Variants in KCNQ5 observed in about 807,000 individuals in gnomAD.
KCNQ5 encodes potassium voltage-gated channel subfamily Q member 5, also known as potassium voltage-gated channel subfamily KQT member 5.
In KCNQ5, 30 loss-of-function variants were observed where a neutral mutation model predicts 98.2. The ratio of observed to expected loss-of-function variants is 0.31; its 90% CI spans 0.23 to 0.41. The LOEUF is 0.41. Among genes scored for constraint, KCNQ5 ranks in the 10% least tolerant of loss-of-function variants. The pLI, the probability that KCNQ5 is intolerant of heterozygous loss-of-function variation, is 1.00. For synonymous variants in KCNQ5, 458 were observed against 449.4 expected (o/e 1.02, Z -0.24); for missense variants, 835 against 1,182.5 (o/e 0.71, Z 4.31).
rs528879823 is a variant in KCNQ5 at position 73,102,301 on chromosome 6, C to T, written c.919-2956C>T. On this transcript the variant is annotated intron_variant, in intron 5 of 13. Coordinates refer to ENST00000370398, the MANE Select transcript of KCNQ5 (RefSeq NM_019842.4). ...AATACCTCAATCTATGAAACTACTACAAGAAAACATGAGGGAAATTCTCCA... is the reference window on the plus strand; with the variant it reads ...AATACCTCAATCTATGAAACTACTATAAGAAAACATGAGGGAAATTCTCCA... Among the ~76,000 whole-genome samples the T allele has an allele frequency of 2.9e-4, 44 of 152,114 alleles. 2 individuals carry two copies. In the South Asian group the frequency reaches 8.3e-3, roughly 29 times the overall value.
intron 1 of KCNQ5, among the ~76,000 whole-genome samples, chr6:72,890,627 C>T (rs1455037734): frequency 6.6e-6 from 1 of 152,158 alleles, no homozygotes; most frequent in Non-Finnish European, 1.5e-5. Context: ...TAGTAGGACA[C>T]ACCAGGATCA....
intron 1 of KCNQ5, among the ~76,000 whole-genome samples, chr6:72,688,160 C>T (rs1389880988): frequency 6.6e-6 from 1 of 152,130 alleles, no homozygotes; most frequent in Non-Finnish European, 1.5e-5. Flanking sequence ...TCTAACTATA[C>T]TGAGCAGAGT....
chr6:73,038,659 T>C (rs528564596), intron 2 of KCNQ5, among the ~76,000 whole-genome samples: 40 of 152,204 alleles, frequency 2.6e-4, no homozygotes, highest in Admixed American at 5.2e-4. Context: ...ATGCATTATA[T>C]TGATTGATTT....
At position 73,013,761 on chromosome 6, in the gene KCNQ5, A is replaced by G. The variant is rs116336244; in HGVS notation, c.489+9763A>G. Among the ~76,000 whole-genome samples, 504 of 152,224 alleles carry G rather than the reference A, an allele frequency of 3.3e-3. 2 individuals are homozygous for G. Among genetic ancestry groups the G allele is most frequent in the African/African-American group, 0.012 (481 of 41,546 alleles). On this transcript the variant is annotated intron_variant, in intron 2 of 13. Coordinates refer to ENST00000370398, the MANE Select transcript of KCNQ5 (RefSeq NM_019842.4). ...TGCTTCTTTCAAGGCTGACAAGTCT[A>G]CCAAAATGCATTTGCCAGTACCCAA...
At chr6:72,847,320 C>T (rs1238654829) in intron 1 of KCNQ5, among the ~76,000 whole-genome samples, 24 of 152,086 alleles carry the variant, frequency 1.6e-4, no homozygotes, top group African/African-American at 1.4e-4. Context: ...TGTGCCACCA[C>T]GCCCAGCTAA....
At chr6:72,983,066 G>T (rs1768550734) in intron 1 of KCNQ5, among the ~76,000 whole-genome samples, 2 of 152,198 alleles carry the variant, frequency 1.3e-5, no homozygotes, top group Non-Finnish European at 2.9e-5. Context: ...GCTTCCCTTT[G>T]TGGGTAACCC....
intron 11 of KCNQ5, among the ~76,000 whole-genome samples, chr6:73,183,928 C>G (rs1195129153): frequency 6.6e-6 from 1 of 152,146 alleles, no homozygotes; most frequent in Non-Finnish European, 1.5e-5. Flanking sequence ...GCACTGATAG[C>G]AATCTCCTAG....
intron 1 of KCNQ5, among the ~76,000 whole-genome samples, chr6:72,866,564 C>G (rs1331624624): frequency 1.3e-5 from 2 of 152,106 alleles, no homozygotes; most frequent in East Asian, 3.9e-4. Flanking sequence ...CCAGCCATCT[C>G]CATCTTTATC....
At chr6:73,021,995 T>C (rs1321596703) in intron 2 of KCNQ5, among the ~76,000 whole-genome samples, 1 of 152,168 alleles carries the variant, frequency 6.6e-6, no homozygotes, top group Non-Finnish European at 1.5e-5. Context: ...AATATGCTTA[T>C]CTAATATCAA....
At chr6:72,703,188 GA>G (rs1216937217) in intron 1 of KCNQ5, among the ~76,000 whole-genome samples, 3 of 152,202 alleles carry the variant, frequency 2.0e-5, no homozygotes, top group Non-Finnish European at 4.4e-5. Context: ...CTGCCCTTGA[GA>G]TTCTCAACTC....
chr6:73,027,726 T>C (rs1388089458), intron 2 of KCNQ5, among the ~76,000 whole-genome samples: 1 of 152,198 alleles, frequency 6.6e-6, no homozygotes, highest in African/African-American at 2.4e-5. Flanking sequence ...ATATCCTCTT[T>C]TAATAAATAA....
At chr6:72,718,483 G>T (rs754716552) in intron 1 of KCNQ5, among the ~76,000 whole-genome samples, 1 of 117,354 alleles carries the variant, frequency 8.5e-6, no homozygotes, top group East Asian at 2.6e-4. Flanking sequence ...ACAGAGTCTC[G>T]CTCTGTCGCC....
At chr6:73,194,385 A>T in intron 13 of KCNQ5, 67 bp from the exon 14 acceptor site, 6 of 1,444,520 alleles carry the variant, frequency 4.2e-6, no homozygotes, top group Non-Finnish European at 5.6e-6. Context: ...ATTTTTCAAA[A>T]TTAAAAAATG....
chr6:72,711,628 C>A (rs1030964589), intron 1 of KCNQ5, among the ~76,000 whole-genome samples: 1 of 152,148 alleles, frequency 6.6e-6, no homozygotes, highest in Admixed American at 6.6e-5. Context: ...TTTTTAAAAT[C>A]ATCTGACTGT....
At chr6:73,111,535 T>TTAA (rs1775240363) in intron 7 of KCNQ5, 132 bp downstream of exon 7, 3 of 674,712 alleles carry the variant, frequency 4.4e-6, no homozygotes, top group Non-Finnish European at 7.7e-6. Context: ...AAGTCAGAAC[T>TTAA]TAATGTACAG....
At chr6:72,997,739 C>T (rs376360703) in intron 1 of KCNQ5, among the ~76,000 whole-genome samples, 5 of 124,330 alleles carry the variant, frequency 4.0e-5, no homozygotes, top group East Asian at 2.7e-4. Flanking sequence ...GCCGAGATTG[C>T]GTCACTGCAC....
At chr6:72,706,235 A>G (rs1769072359) in intron 1 of KCNQ5, among the ~76,000 whole-genome samples, 4 of 152,042 alleles carry the variant, frequency 2.6e-5, no homozygotes, top group Non-Finnish European at 5.9e-5. Context: ...TTCTTATTTT[A>G]TTAAAGCAGA....
At chr6:72,736,337 T>C (rs564620601) in intron 1 of KCNQ5, among the ~76,000 whole-genome samples, 24 of 152,134 alleles carry the variant, frequency 1.6e-4, no homozygotes, top group African/African-American at 5.5e-4. Context: ...AGGGGCATAA[T>C]TGAGTAAATT....
intron 1 of KCNQ5, among the ~76,000 whole-genome samples, chr6:72,886,741 T>C (rs991434485): frequency 1.8e-4 from 28 of 152,142 alleles, no homozygotes; most frequent in African/African-American, 6.5e-4. Flanking sequence ...TAACGGAATA[T>C]AGAAGACTGA....
Sources: allele counts gnomAD v4.1 joint callset (sites outside exome capture counted in the v4.1 genomes callset), GRCh38; gene constraint gnomAD v4.1.1; transcripts MANE v1.5; gene names NCBI Gene and HGNC (gene_info 2026-07-23, HGNC 2026-07-21).